The following RPL22L1 variants were observed in gnomAD, a reference collection of about 807,000 sequenced individuals.
The protein encoded by RPL22L1 is ribosomal protein eL22-like.
Under a neutral mutation model 17.3 loss-of-function variants are expected in RPL22L1, and 19 were observed. The ratio of observed to expected loss-of-function variants is 1.10; its 90% CI spans 0.77 to 1.61. RPL22L1 has a LOEUF of 1.61. Ranked by LOEUF, RPL22L1 falls within the 40% of genes most tolerant of loss-of-function variation. The pLI, the probability that RPL22L1 is intolerant of heterozygous loss-of-function variation, is 0.00. For synonymous variants in RPL22L1, 48 were observed against 48.5 expected (o/e 0.99, Z 0.05); for missense variants, 139 against 144.4 (o/e 0.96, Z 0.19).
At position 170,868,819 on chromosome 3, in the gene RPL22L1, G is replaced by GAAAAGA. The variant is rs1373676839; in HGVS notation, c.10-435_10-430dup. ...GGACTTTGGTAAAAAAAAAAAAAAAGAAAAGAAAAGAAAAAGAAAAAATAA... is the reference window on the plus strand; with the variant it reads ...GGACTTTGGTAAAAAAAAAAAAAAAGAAAAGAAAAAGAAAAGAAAAAGAAAAAATAA... On this transcript the variant is annotated intron_variant, in intron 1 of 3. Coordinates refer to ENST00000295830, the MANE Select transcript of RPL22L1 (RefSeq NM_001099645.2). Among the ~76,000 whole-genome samples, 237 of 140,962 alleles carry GAAAAGA rather than the reference G, an allele frequency of 1.7e-3. 1 individual carries two copies. Among genetic ancestry groups the GAAAAGA allele is most frequent in the Non-Finnish European group, 2.8e-3 (183 of 65,348 alleles). The allele number at this position is 140,962 out of a possible 152,430, so 92.5% of individuals were successfully genotyped here. A position where few individuals can be genotyped will look rare whatever the true frequency, so the allele number is the denominator to read the frequency against.
At chr3:170,868,902 C>T (rs1711879155) in intron 1 of RPL22L1, among the ~76,000 whole-genome samples, 1 of 151,630 alleles carries the variant, frequency 6.6e-6, no homozygotes, top group African/African-American at 2.4e-5. Flanking sequence ...AGGAGGATCA[C>T]GTGAGGTCAG....
chr3:170,866,812 T>C (rs1711786657), intron 3 of RPL22L1, among the ~76,000 whole-genome samples: 2 of 152,182 alleles, frequency 1.3e-5, no homozygotes, highest in Admixed American at 6.5e-5. Context: ...AAATATATTA[T>C]CTGTGTATAT....
intron 1 of RPL22L1, among the ~76,000 whole-genome samples, chr3:170,869,365 C>G (rs1711899015): frequency 6.6e-6 from 1 of 152,158 alleles, no homozygotes; most frequent in Non-Finnish European, 1.5e-5. Context: ...TAACATGTGC[C>G]AAAAGATAAT....
At chr3:170,866,860 A>G (rs1339530037) in intron 3 of RPL22L1, among the ~76,000 whole-genome samples, 1 of 152,154 alleles carries the variant, frequency 6.6e-6, no homozygotes. Flanking sequence ...ACCACTATCA[A>G]GCCCCCTAGC....
intron 2 of RPL22L1, 76 bp downstream of exon 2, chr3:170,868,222 A>T: frequency 6.8e-7 from 1 of 1,460,644 alleles, no homozygotes; most frequent in Non-Finnish European, 9.6e-7. Context: ...AGCTTAGGTT[A>T]TTATCAAATA....
intron 1 of RPL22L1, 123 bp from the exon 2 acceptor site, chr3:170,868,513 G>C: frequency 1.7e-6 from 1 of 583,056 alleles, no homozygotes; most frequent in Admixed American, 3.5e-5. Flanking sequence ...ATACAGAAAT[G>C]TAACAATAAA....
intron 3 of RPL22L1, among the ~76,000 whole-genome samples, chr3:170,867,303 C>T (rs527569283): frequency 3.3e-5 from 5 of 152,178 alleles, no homozygotes; most frequent in Admixed American, 1.3e-4. Context: ...ACACTATACC[C>T]CAGACACACT....
intron 1 of RPL22L1, among the ~76,000 whole-genome samples, chr3:170,868,903 G>C (rs533812540): frequency 1.5e-4 from 23 of 151,598 alleles, no homozygotes; most frequent in Non-Finnish European, 2.9e-4. Context: ...GGAGGATCAC[G>C]TGAGGTCAGG....
intron 3 of RPL22L1, among the ~76,000 whole-genome samples, chr3:170,867,517 G>T (rs937770491): frequency 1.3e-5 from 2 of 152,074 alleles, no homozygotes; most frequent in Non-Finnish European, 2.9e-5. Context: ...GTTTCTTGGT[G>T]GTGGGTAAAC....
chr3:170,869,717 C>T (rs1354176942), intron 1 of RPL22L1, among the ~76,000 whole-genome samples: 1 of 152,058 alleles, frequency 6.6e-6, no homozygotes, highest in Non-Finnish European at 1.5e-5. Context: ...CTTGTGATGT[C>T]GGCCATCGCG....
intron 1 of RPL22L1, 96 bp downstream of exon 1, chr3:170,870,063 T>C: frequency 6.4e-7 from 1 of 1,571,904 alleles, no homozygotes; most frequent in Non-Finnish European, 8.7e-7. Context: ...CCCTTTATCT[T>C]GACTGAGACG....
chr3:170,867,417 G>A (rs1285241471), intron 3 of RPL22L1, among the ~76,000 whole-genome samples: 3 of 151,846 alleles, frequency 2.0e-5, no homozygotes, highest in East Asian at 1.9e-4. Flanking sequence ...ACTTACCAAC[G>A]TACCCAAAAA....
chr3:170,867,791 A>T (rs1462925809), intron 3 of RPL22L1, among the ~76,000 whole-genome samples: 3 of 152,132 alleles, frequency 2.0e-5, no homozygotes, highest in Non-Finnish European at 4.4e-5. Context: ...AATTTACTGG[A>T]CTGGGACTGT....
In RPL22L1 at chr3:170,868,356, C is replaced by G. The variant is rs1156595619; in HGVS notation, c.44G>C (p.Arg15Thr). The G allele has an allele frequency of 6.2e-7, 1 of 1,610,590 alleles. No individual in the cohort carries two copies. Among genetic ancestry groups the G allele is most frequent in the African/African-American group, 1.3e-5 (1 of 74,924 alleles). Residue 15 changes from arginine to threonine, a missense_variant, in exon 2 of 4, where the codon AGG (arginine) becomes ACG (threonine). Arg to Thr is a moderately conservative substitution (Grantham distance 71, BLOSUM62 -1). Coordinates refer to ENST00000295830, the MANE Select transcript of RPL22L1 (RefSeq NM_001099645.2). ...TGGATGAGTAAGGTCCAAATTAAACCTCCAGGTTGACCTCTTGGGCTTCCT... is the reference window on the plus strand; with the variant it reads ...TGGATGAGTAAGGTCCAAATTAAACGTCCAGGTTGACCTCTTGGGCTTCCT... ...KDRKPKRSTW[R>T]FNLDLTHPVE... is the part of the protein sequence containing the mutation.
At position 170,869,358 on chromosome 3, in the gene RPL22L1, C is replaced by T. The variant is rs146910960; in HGVS notation, c.9+801G>A. 3.8e-3 allele frequency among the ~76,000 whole-genome samples: 575 copies of T among 152,300 alleles called. 5 individuals carry two copies. Among genetic ancestry groups the T allele is most frequent in the African/African-American group, 0.013 (561 of 41,558 alleles). On this transcript the variant is annotated intron_variant, in intron 1 of 3. Transcript: ENST00000295830. ...TTTGCTTTCTCAGGTAGCATGGTAA[C>T]ATGTGCCAAAAGATAATTACCCAGT...
Position 170,866,496 on chromosome 3 carries a change from G to A in RPL22L1, c.253C>T (p.Leu85Phe), listed in dbSNP as rs1317613997. The A allele has an allele frequency of 1.3e-6, 2 of 1,557,556 alleles. No homozygotes were observed. Among genetic ancestry groups the A allele is most frequent in the East Asian group, 2.4e-5 (1 of 41,890 alleles). Residue 85 changes from leucine (L) to phenylalanine (F), a missense_variant, in exon 4 of 4, where the codon CTT (leucine) becomes TTT (phenylalanine). Physicochemically the swap from Leu to Phe is conservative, Grantham distance 22. Coordinates refer to ENST00000295830, the MANE Select transcript of RPL22L1 (RefSeq NM_001099645.2). The stretch of plus-strand genomic sequence containing the variant: ...CAATCACGAAGATTGTTCTTCTTAA[G>A]GTATTTCTTGGTAAGGTATTTCAAA... ...RYLKYLTKKY[L>F]KKNNLRDWLR...
chr3:170,868,420 A>G, intron 1 of RPL22L1, 30 bp from the exon 2 acceptor site: 1 of 1,315,024 alleles, frequency 7.6e-7, no homozygotes, highest in East Asian at 2.3e-5. Context: ...TTATGTAGCT[A>G]TATAAAACAA....
chr3:170,867,672 CTT>C (rs1711820516), intron 3 of RPL22L1, among the ~76,000 whole-genome samples: 3 of 152,148 alleles, frequency 2.0e-5, no homozygotes, highest in Admixed American at 1.3e-4. Context: ...GAATAAATAA[CTT>C]GAGACAATTC....
chr3:170,866,823 A>G (rs754902771), intron 3 of RPL22L1, among the ~76,000 whole-genome samples: 40 of 152,162 alleles, frequency 2.6e-4, no homozygotes, highest in Non-Finnish European at 2.5e-4. Flanking sequence ...CTGTGTATAT[A>G]TATGTGAAAA....
Sources: allele counts gnomAD v4.1 joint callset (sites outside exome capture counted in the v4.1 genomes callset), GRCh38; gene constraint gnomAD v4.1.1; transcripts MANE v1.5; gene names NCBI Gene and HGNC (gene_info 2026-07-23, HGNC 2026-07-21).